The following MTARC1 variants were observed in gnomAD, a reference collection of about 807,000 sequenced individuals.
MTARC1 encodes mitochondrial amidoxime-reducing component 1.
Under a neutral mutation model 33.6 loss-of-function variants are expected in MTARC1, and 24 were observed. The ratio of observed to expected loss-of-function variants is 0.72; its 90% confidence interval spans 0.52 to 1.01. The LOEUF (loss-of-function observed/expected upper bound fraction) is 1.01. MTARC1 is among the 50% of genes least tolerant of loss of function. The probability of loss-of-function intolerance (pLI) is 0.00; values close to 1 mark genes in which losing one functional copy is unlikely to be tolerated. For missense variants in MTARC1, 417 were observed against 445.7 expected, an observed-to-expected ratio of 0.94 and a Z score of 0.58; for synonymous variants, 187 against 189.5, an observed-to-expected ratio of 0.99 and a Z score of 0.11.
At chr1:220,802,169 C>T (rs1485835567) in intron 4 of MTARC1, among the ~76,000 whole-genome samples, 1 of 152,186 alleles carries the variant, frequency 6.6e-6, no homozygotes, top group Non-Finnish European at 1.5e-5. Flanking sequence ...CTGTCTCCTG[C>T]AGCATCGCCC....
At position 220,816,881 on chromosome 1, in the gene MTARC1, C is replaced by T. The variant is rs1336427498; in HGVS notation, c.*3463C>T. ...TCCTGTTGTGGGCCTTAGGGAGAAG[C>T]ACTCTCTTTCTTCGGGATCATTTTC... On this transcript the variant is annotated 3_prime_UTR_variant, in exon 7 of 7. Transcript: ENST00000366910. The T allele has an allele frequency of 6.6e-6, 1 of 152,304 alleles. No individual in the cohort carries two copies. The highest frequency in any genetic ancestry group is 2.4e-5 in the African/African-American group (1 of 41,408). 9.4% of individuals were successfully genotyped at this position (152,304 alleles called of 1,614,324 possible). A position where few individuals can be genotyped will look rare whatever the true frequency, so the allele number is the denominator to read the frequency against.
rs145542940 is a variant in MTARC1 at position 220,808,054 on chromosome 1, G to A, written c.887+2780G>A. ...ATCAGCCAAGTGGTTTGGGGAATTG[G>A]CTGTCATCCTTTTTTGTCCATCTTG... On this transcript the variant is annotated intron_variant, in intron 6 of 6. Coordinates refer to ENST00000366910, the MANE Select transcript of MTARC1 (RefSeq NM_022746.4). 1.6e-3 allele frequency among the ~76,000 whole-genome samples: 245 copies of A among 152,262 alleles called. 1 individual carries two copies. The highest frequency in any genetic ancestry group is 5.1e-3 in the African/African-American group (211 of 41,550).
chr1:220,787,249 C>T (rs1387999725), intron 1 of MTARC1, 30 bp downstream of exon 1: 1 of 1,541,894 alleles, frequency 6.5e-7, no homozygotes, highest in Non-Finnish European at 8.7e-7. Context: ...CGGGGCAGCG[C>T]TGATCCGGCT....
At chr1:220,800,805 G>A (rs1672771487) in intron 4 of MTARC1, among the ~76,000 whole-genome samples, 1 of 151,988 alleles carries the variant, frequency 6.6e-6, no homozygotes, top group African/African-American at 2.4e-5. Flanking sequence ...ACTTCCGCTG[G>A]CTCAGGCCCC....
chr1:220,795,756 G>T (rs1303539013), intron 2 of MTARC1, among the ~76,000 whole-genome samples: 1 of 152,178 alleles, frequency 6.6e-6, no homozygotes, highest in Non-Finnish European at 1.5e-5. Flanking sequence ...AGAAGCTGTT[G>T]CCTACAGAGG....
intron 2 of MTARC1, chr1:220,794,094 G>A (rs902722836): frequency 2.0e-5 from 3 of 152,078 alleles, no homozygotes; most frequent in African/African-American, 7.2e-5. Context: ...AATAATTATT[G>A]CCAATTGAAG....
chr1:220,806,251 C>G (rs1260814800), intron 6 of MTARC1, among the ~76,000 whole-genome samples: 2 of 152,260 alleles, frequency 1.3e-5, no homozygotes, highest in Admixed American at 1.3e-4. Context: ...CTTCATTGGT[C>G]CCTTTGACAT....
chr1:220,803,790 C>T (rs1355993046), intron 4 of MTARC1, among the ~76,000 whole-genome samples: 1 of 151,952 alleles, frequency 6.6e-6, no homozygotes, highest in African/African-American at 2.4e-5. Context: ...CCTTTTATAC[C>T]CTTTTTATGT....
intron 2 of MTARC1, among the ~76,000 whole-genome samples, chr1:220,795,167 TG>T (rs1205929087): frequency 6.6e-6 from 1 of 152,170 alleles, no homozygotes; most frequent in Non-Finnish European, 1.5e-5. Context: ...ATAACTTGGT[TG>T]GGGGACCCTG....
At chr1:220,790,229 T>TA (rs1672379561) in intron 1 of MTARC1, among the ~76,000 whole-genome samples, 1 of 152,174 alleles carries the variant, frequency 6.6e-6, no homozygotes, top group Non-Finnish European at 1.5e-5. Context: ...TTTATATATA[T>TA]TTTACTGCAA....
At chr1:220,793,783 C>G (rs1285315558) in intron 2 of MTARC1, 1 of 152,160 alleles carries the variant, frequency 6.6e-6, no homozygotes, top group East Asian at 1.9e-4. Flanking sequence ...GTCAAAGGGT[C>G]AAAGGTTATA....
intron 5 of MTARC1, 40 bp downstream of exon 5, chr1:220,805,153 T>G (rs757295291): frequency 1.9e-6 from 3 of 1,613,802 alleles, no homozygotes; most frequent in Non-Finnish European, 2.5e-6. Flanking sequence ...GAGGTGGGGA[T>G]AAGTTCGCTC....
chr1:220,804,661 G>A (rs1392582574), intron 4 of MTARC1, among the ~76,000 whole-genome samples: 2 of 152,138 alleles, frequency 1.3e-5, no homozygotes, highest in South Asian at 4.1e-4. Flanking sequence ...TAAGGGATCT[G>A]ATATAATCTG....
At position 220,805,379 on chromosome 1, in the gene MTARC1, CAT is replaced by C. The variant is rs1672941255; in HGVS notation, c.887+107_887+108del. 17 of 1,241,874 alleles carry C rather than the reference CAT, an allele frequency of 1.4e-5. No individual in the cohort carries two copies. The South Asian group carries it at 2.0e-4, about 14-fold the overall frequency. 76.9% of individuals were successfully genotyped at this position (1,241,874 alleles called of 1,614,324 possible). ...GAGGAAGCAGTGAAAACACCACACA[CAT>C]AGTCTTGAAACTCAAGAGGGTCCCA... On this transcript the variant is annotated intron_variant, in intron 6 of 6. Transcript: ENST00000366910.
At position 220,787,213 on chromosome 1, in the gene MTARC1, G is replaced by A. The variant is rs200908372; in HGVS notation, c.269G>A (p.Arg90Gln). 4 of 1,570,400 alleles carry A rather than the reference G, an allele frequency of 2.5e-6. No homozygotes were observed. In the Admixed American group the frequency reaches 5.5e-5, roughly 22 times the overall value. ...ATGGGGCTGCGCAGCGGCAACCTGC[G>A]GGACAGGTACGGCCAAGCGCCGGCG... ...TAMGLRSGNLRDRFWLVINQE... is the reference protein window; with the variant it reads ...TAMGLRSGNLQDRFWLVINQE... The change falls in exon 1 of 7, where the codon CGG becomes CAG. Residue 90 changes from arginine (R) to glutamine (Q), a missense_variant. Transcript: ENST00000366910.
At chr1:220,804,777 G>A (rs12735269) in intron 4 of MTARC1, among the ~76,000 whole-genome samples, 1 of 148,194 alleles carries the variant, frequency 6.7e-6, no homozygotes, top group Non-Finnish European at 1.5e-5. Context: ...TCATCAGGGA[G>A]CCTCCCTGAG....
At chr1:220,800,195 T>TCTAAAA (rs1558088895) in intron 4 of MTARC1, among the ~76,000 whole-genome samples, 1 of 151,868 alleles carries the variant, frequency 6.6e-6, no homozygotes, top group African/African-American at 2.4e-5. Flanking sequence ...TAAAAACCCG[T>TCTAAAA]ATCTCTCTCT....
chr1:220,813,443 T>A lies in MTARC1; in HGVS notation c.*25T>A, dbSNP rs373305737. ...ATGGGAACCGTATGTCCTGGAATAT[T>A]AGATGCCTTTTAAAAATGTTCTCAA... On this transcript the variant is annotated 3_prime_UTR_variant, in exon 7 of 7. Transcript: ENST00000366910. 336 of 1,610,980 alleles carry A rather than the reference T, an allele frequency of 2.1e-4. 2 individuals are homozygous for A. In the African/African-American group the frequency reaches 3.9e-3, roughly 19 times the overall value.
intron 6 of MTARC1, among the ~76,000 whole-genome samples, chr1:220,806,445 A>G (rs932711156): frequency 3.9e-5 from 6 of 152,194 alleles, no homozygotes; most frequent in African/African-American, 9.6e-5. Flanking sequence ...ACTATCTTGT[A>G]TCCAAACCAT....
Sources: allele counts gnomAD v4.1 joint callset (sites outside exome capture counted in the v4.1 genomes callset), GRCh38; gene constraint gnomAD v4.1.1; transcripts MANE v1.5; gene names NCBI Gene and HGNC (gene_info 2026-07-23, HGNC 2026-07-21).